The following SVOPL variants were observed in gnomAD, a reference collection of about 807,000 sequenced individuals.
SVOPL encodes the protein SVOP like, also known as putative transporter SVOPL.
A neutral mutation model predicts 61.0 loss-of-function variants in SVOPL; 60 were observed. That is an observed-to-expected ratio of 0.98 (90% CI 0.80 to 1.22). The LOEUF is 1.22. SVOPL is among the 50% of genes most tolerant of loss of function. The probability of loss-of-function intolerance (pLI) is 0.00; values close to 1 mark genes in which losing one functional copy is unlikely to be tolerated. For synonymous variants in SVOPL, 279 were observed against 250.0 expected (o/e 1.12, Z -1.09); for missense variants, 662 against 643.9 (o/e 1.03, Z -0.30).
At chr7:138,634,562 C>G (rs1800375470) in intron 9 of SVOPL, among the ~76,000 whole-genome samples, 1 of 151,912 alleles carries the variant, frequency 6.6e-6, no homozygotes, top group South Asian at 2.1e-4. Context: ...GCAGGAGGAT[C>G]ACTTGAGCTC....
In SVOPL at chr7:138,636,506, T is replaced by C. The variant is rs1265812095; in HGVS notation, c.790-6384A>G. Reference sequence around the variant, plus strand: ...TTTTTTTTGAGACAGAGTTTCATTATGTTGCCCAGGCTGGAGTAAAGTGGT... The same window carrying C: ...TTTTTTTTGAGACAGAGTTTCATTACGTTGCCCAGGCTGGAGTAAAGTGGT... On this transcript the variant is annotated intron_variant, in intron 9 of 15. Transcript: ENST00000674285. 2.0e-5 allele frequency among the ~76,000 whole-genome samples: 3 copies of C among 151,236 alleles called. No homozygotes were observed. In the East Asian group the frequency reaches 5.9e-4, roughly 30 times the overall value.
Position 138,656,350 on chromosome 7 carries a change from G to A in SVOPL, c.534+98C>T, listed in dbSNP as rs115459212. ...ATTCTGATACTCGCTTAATTGCAGC[G>A]AGCTGGTACCAAACCAGCAGTATTT... On this transcript the variant is annotated intron_variant, in intron 7 of 15. Coordinates refer to ENST00000674285, the MANE Select transcript of SVOPL (RefSeq NM_001139456.2). 4.8e-4 allele frequency: 580 copies of A among 1,207,992 alleles called. 2 individuals carry two copies. In the African/African-American group the frequency reaches 6.4e-3, roughly 13 times the overall value. 74.8% of individuals were successfully genotyped at this position (1,207,992 alleles called of 1,614,324 possible).
At chr7:138,645,054 C>G (rs1467042362) in intron 8 of SVOPL, among the ~76,000 whole-genome samples, 1 of 152,166 alleles carries the variant, frequency 6.6e-6, no homozygotes, top group Non-Finnish European at 1.5e-5. Context: ...ATAGTCCCTT[C>G]CAGGATGACG....
Position 138,679,041 on chromosome 7 carries a change from G to A in SVOPL, c.5C>T (p.Ala2Val). M[A>V]TKPTEPVTIL... The stretch of plus-strand genomic sequence containing the variant: ...CGTGACAGGCTCTGTTGGCTTGGTT[G>A]CCATCTTCTAAATAGCTCAAGTTCC... The change falls in exon 2 of 16, where the codon GCA becomes GTA. Residue 2 changes from alanine (A) to valine (V), a missense_variant. Ala to Val is a moderately conservative substitution (Grantham distance 64). Coordinates refer to ENST00000674285, the MANE Select transcript of SVOPL (RefSeq NM_001139456.2). The A allele has an allele frequency of 1.3e-6, 2 of 1,551,446 alleles. No individual in the cohort carries two copies. The highest frequency in any genetic ancestry group is 1.7e-6 in the Non-Finnish European group (2 of 1,146,878).
Position 138,621,080 on chromosome 7 carries a change from C to A in SVOPL, c.1319G>T (p.Arg440Leu), listed in dbSNP as rs139707660. The change falls in exon 14 of 16, where the codon CGC (arginine) becomes CTC (leucine). Residue 440 changes from arginine (R) to leucine (L), a missense_variant. Arg to Leu is a moderately radical substitution (Grantham distance 102). Transcript: ENST00000674285. ...LGMGTSGSLCRIGAMVAPFIS... is the reference protein window; with the variant it reads ...LGMGTSGSLCLIGAMVAPFIS... ...AAATGGTGCCACCATTGCACCAATG[C>A]GACACAGGGAGCCGCTGGTTCCCAT... The A allele has an allele frequency of 5.6e-6, 9 of 1,613,502 alleles. No individual in the cohort carries two copies. The highest frequency in any genetic ancestry group is 1.7e-4 in the Middle Eastern group (1 of 6,058).
chr7:138,649,972 T>C (rs1801336879), intron 7 of SVOPL, among the ~76,000 whole-genome samples: 1 of 152,016 alleles, frequency 6.6e-6, no homozygotes, highest in Non-Finnish European at 1.5e-5. Flanking sequence ...GCTGGCATTA[T>C]AGGCGCGTGC....
intron 13 of SVOPL, among the ~76,000 whole-genome samples, chr7:138,622,257 T>A (rs1254877593): frequency 7.4e-6 from 1 of 134,630 alleles, no homozygotes; most frequent in African/African-American, 2.8e-5. Flanking sequence ...TATCTATGTA[T>A]CTATCTATCT....
chr7:138,597,341 T>G (rs1418146610), intron 14 of SVOPL: 1 of 707,248 alleles, frequency 1.4e-6, no homozygotes, highest in African/African-American at 1.9e-5. Flanking sequence ...GAGCCTAGAC[T>G]AAGTGACTAG....
intron 14 of SVOPL, among the ~76,000 whole-genome samples, chr7:138,610,199 A>C (rs1416963952): frequency 6.6e-6 from 1 of 152,196 alleles, no homozygotes; most frequent in East Asian, 1.9e-4. Flanking sequence ...CATACGAACA[A>C]AAGATCTTTT....
chr7:138,617,324 T>A (rs1673226), intron 14 of SVOPL, among the ~76,000 whole-genome samples: 1 of 152,166 alleles, frequency 6.6e-6, no homozygotes, highest in African/African-American at 2.4e-5. Context: ...CATTAGGATA[T>A]GTAAACATAT....
At chr7:138,622,598 T>C (rs144751569) in intron 13 of SVOPL, among the ~76,000 whole-genome samples, 4,278 of 152,294 alleles carry the variant, frequency 0.028, 85 homozygotes, top group Non-Finnish European at 0.044. Flanking sequence ...TGAGCCACCA[T>C]GCCCAGCCCT....
intron 14 of SVOPL, among the ~76,000 whole-genome samples, chr7:138,608,083 G>A (rs1673218): frequency 0.31 from 47,215 of 151,948 alleles, 7,585 homozygotes; most frequent in East Asian, 0.6. Context: ...ATTTGAAGAA[G>A]ACAATAAAAT....
chr7:138,660,952 C>T (rs551969969), intron 5 of SVOPL: 1 of 983,246 alleles, frequency 1.0e-6, no homozygotes, highest in South Asian at 4.7e-5. Flanking sequence ...TTATATCTTG[C>T]TATGTATTTT....
rs929440236 is a variant in SVOPL, at chr7:138,648,647, G to A, written c.660+365C>T. ...GGCGTGAACCCGGGAGGCGGAGCTTGCAGTGAGCCGAGGTCGCGCCACTGC... is the reference window on the plus strand; with the variant it reads ...GGCGTGAACCCGGGAGGCGGAGCTTACAGTGAGCCGAGGTCGCGCCACTGC... On this transcript the variant is annotated intron_variant, in intron 8 of 15. Coordinates refer to ENST00000674285, the MANE Select transcript of SVOPL (RefSeq NM_001139456.2). 7.9e-5 allele frequency among the ~76,000 whole-genome samples: 12 copies of A among 152,068 alleles called. No individual in the cohort carries two copies. In the South Asian group the frequency reaches 1.9e-3, roughly 24 times the overall value.
Position 138,644,197 on chromosome 7 carries a change from C to CAAA in SVOPL, c.789+517_789+519dup, listed in dbSNP as rs71179714. Among the ~76,000 whole-genome samples, 83 of 50,408 alleles carry CAAA rather than the reference C, an allele frequency of 1.6e-3. 3 individuals carry two copies. The highest frequency in any genetic ancestry group is 2.2e-3 in the Non-Finnish European group (57 of 25,378). 33.1% of individuals were successfully genotyped at this position (50,408 alleles called of 152,430 possible). A position where few individuals can be genotyped will look rare whatever the true frequency, so the allele number is the denominator to read the frequency against. On this transcript the variant is annotated intron_variant, in intron 9 of 15. Transcript: ENST00000674285. Reference sequence around the variant, plus strand: ...GCCTGGTGACAGAGCAAGACTCCATCAAAAAAAAAAAAAAAAAAAAAAAAA... The same window carrying CAAA: ...GCCTGGTGACAGAGCAAGACTCCATCAAAAAAAAAAAAAAAAAAAAAAAAAAAA...
intron 3 of SVOPL, among the ~76,000 whole-genome samples, chr7:138,677,888 G>A (rs948185112): frequency 6.6e-6 from 1 of 151,370 alleles, no homozygotes; most frequent in East Asian, 1.9e-4. Context: ...TCAGCCTCCC[G>A]AGTAGCTGGG....
At chr7:138,667,007 G>A (rs899363078) in intron 4 of SVOPL, among the ~76,000 whole-genome samples, 1 of 152,128 alleles carries the variant, frequency 6.6e-6, no homozygotes, top group Non-Finnish European at 1.5e-5. Context: ...CTATTATTTA[G>A]CCATCCTGGT....
chr7:138,596,732 G>A (rs898696840), intron 14 of SVOPL: 2 of 1,271,910 alleles, frequency 1.6e-6, no homozygotes, highest in Non-Finnish European at 2.0e-6. Flanking sequence ...AACAGGAACT[G>A]GTATTAACAC....
At chr7:138,642,831 CAAAAA>C (rs749603417) in intron 9 of SVOPL, among the ~76,000 whole-genome samples, 1 of 26,922 alleles carries the variant, frequency 3.7e-5, no homozygotes, top group African/African-American at 7.5e-5. Context: ...CTCCTACCTC[CAAAAA>C]AAAAAAAAAA....
Sources: allele counts gnomAD v4.1 joint callset (sites outside exome capture counted in the v4.1 genomes callset), GRCh38; gene constraint gnomAD v4.1.1; transcripts MANE v1.5; gene names NCBI Gene and HGNC (gene_info 2026-07-23, HGNC 2026-07-21).